Variants in ZNF783 observed in about 807,000 individuals in gnomAD.
ZNF783 encodes the protein zinc finger protein 783.
A neutral mutation model predicts 31.3 loss-of-function variants in ZNF783; 25 were observed. That is an observed-to-expected ratio of 0.80 (90% CI 0.58 to 1.11). The LOEUF is 1.11. Ranked by LOEUF, ZNF783 falls within the 50% of genes most tolerant of loss-of-function variation. The pLI is 0.00. For missense variants in ZNF783, 797 were observed against 760.0 expected, an observed-to-expected ratio of 1.05 and a Z score of -0.57; for synonymous variants, 369 against 319.1, an observed-to-expected ratio of 1.16 and a Z score of -1.66.
rs1797238154 is a variant in ZNF783 at position 149,272,811 on chromosome 7, A to G, written c.674-5588A>G. Among the ~76,000 whole-genome samples the G allele has an allele frequency of 3.3e-5, 5 of 152,304 alleles. No homozygotes were observed. In the South Asian group the frequency reaches 8.3e-4, roughly 25 times the overall value. On this transcript the variant is annotated intron_variant, in intron 4 of 5. Coordinates refer to ENST00000434415, the MANE Select transcript of ZNF783 (RefSeq NM_001195220.2). Reference sequence around the variant, plus strand: ...TATTGTTGACTGTAGTCACCCTGTTATGCTATCACATGCTAGATCTTATTC... The same window carrying G: ...TATTGTTGACTGTAGTCACCCTGTTGTGCTATCACATGCTAGATCTTATTC...
chr7:149,264,953 G>A (rs1311604098), intron 1 of ZNF783, among the ~76,000 whole-genome samples: 2 of 132,952 alleles, frequency 1.5e-5, no homozygotes, highest in Non-Finnish European at 3.0e-5. Context: ...TAGGGGAGAA[G>A]GCTGGAAGTG....
rs559116212 is a variant in ZNF783 at position 149,276,990 on chromosome 7, A to G, written c.674-1409A>G. Among the ~76,000 whole-genome samples the G allele has an allele frequency of 3.0e-3, 458 of 152,190 alleles. 2 individuals are homozygous for G. Among genetic ancestry groups the G allele is most frequent in the African/African-American group, 0.011 (437 of 41,504 alleles). ...CAGCCTCCCAAGTAGCTGGGACTACAGGTGCCTGCCACCACGCCCAGCTAA... is the reference window on the plus strand; with the variant it reads ...CAGCCTCCCAAGTAGCTGGGACTACGGGTGCCTGCCACCACGCCCAGCTAA... On this transcript the variant is annotated intron_variant, in intron 4 of 5. Coordinates refer to ENST00000434415, the MANE Select transcript of ZNF783 (RefSeq NM_001195220.2).
In ZNF783 at chr7:149,282,965, T is replaced by TTGTTGTTGTTGTTGTTGTTGTTGTTG. The variant is rs1554480464; in HGVS notation, c.*623_*624insGTTGTTGTTGTTGTTGTTGTTGTTGT. Reference sequence around the variant, plus strand: ...AGCCTGTGGGTCTTTTGGTTTTTTTTTTGTTGTTGTTGTTGTTTTTTTAAG... The same window carrying TTGTTGTTGTTGTTGTTGTTGTTGTTG: ...AGCCTGTGGGTCTTTTGGTTTTTTTTTGTTGTTGTTGTTGTTGTTGTTGTTGTTGTTGTTGTTGTTGTTTTTTTAAG... On this transcript the variant is annotated 3_prime_UTR_variant, in exon 6 of 6. Coordinates refer to ENST00000434415, the MANE Select transcript of ZNF783 (RefSeq NM_001195220.2). 1 of 131,056 alleles carries TTGTTGTTGTTGTTGTTGTTGTTGTTG rather than the reference T, an allele frequency of 7.6e-6. No homozygotes were observed. The highest frequency in any genetic ancestry group is 2.8e-5 in the African/African-American group (1 of 35,184). The allele number at this position is 131,056 out of a possible 1,614,324, so 8.1% of individuals were successfully genotyped here.
At position 149,265,532 on chromosome 7, in the gene ZNF783, C is replaced by T. The variant is rs927116936; in HGVS notation, c.25-803C>T. 5.9e-5 allele frequency among the ~76,000 whole-genome samples: 9 copies of T among 152,308 alleles called. No individual in the cohort carries two copies. The South Asian group carries it at 1.9e-3, about 32-fold the overall frequency. On this transcript the variant is annotated intron_variant, in intron 1 of 5. Coordinates refer to ENST00000434415, the MANE Select transcript of ZNF783 (RefSeq NM_001195220.2). ...CACGTGGCATACAGCAAGATCATCT[C>T]CCTTGTGTCTCCTCTTACAAGGGCG...
chr7:149,266,321 C>A lies in ZNF783; in HGVS notation c.25-14C>A, dbSNP rs959969856. The A allele has an allele frequency of 6.5e-7, 1 of 1,537,928 alleles. No homozygotes were observed. On this transcript the variant is annotated splice_polypyrimidine_tract_variant and intron_variant, in intron 1 of 5. Coordinates refer to ENST00000434415, the MANE Select transcript of ZNF783 (RefSeq NM_001195220.2). ...AATTCTCATAACATCTCTCTTTTCT[C>A]TTCTTGTGAGCAGGACCCCGAGACA...
intron 5 of ZNF783, among the ~76,000 whole-genome samples, chr7:149,280,652 G>A (rs73479996): frequency 0.076 from 11,531 of 152,268 alleles, 542 homozygotes; most frequent in African/African-American, 0.11. Flanking sequence ...AGCTGTTCAC[G>A]TGGTCTTGGC....
At position 149,266,200 on chromosome 7, in the gene ZNF783, C is replaced by G. The variant is rs868035095; in HGVS notation, c.25-135C>G. On this transcript the variant is annotated intron_variant, in intron 1 of 5. Transcript: ENST00000434415. ...TGATACCCTAGCCTCTCCCTCTCCCCCCCAGTCTGCTGCTAACTCAGGAGC... is the reference window on the plus strand; with the variant it reads ...TGATACCCTAGCCTCTCCCTCTCCCGCCCAGTCTGCTGCTAACTCAGGAGC... 3.5e-5 allele frequency: 36 copies of G among 1,042,848 alleles called. 3 individuals are homozygous for G. The Middle Eastern group carries it at 1.9e-3, about 54-fold the overall frequency. 64.6% of individuals were successfully genotyped at this position (1,042,848 alleles called of 1,614,324 possible).
intron 5 of ZNF783, among the ~76,000 whole-genome samples, chr7:149,279,582 C>T (rs1239002244): frequency 2.0e-5 from 3 of 150,712 alleles, no homozygotes; most frequent in Non-Finnish European, 2.9e-5. Context: ...GAGAGGCCCT[C>T]GCCGAGTCTT....
intron 1 of ZNF783, among the ~76,000 whole-genome samples, chr7:149,263,994 C>T (rs1262429007): frequency 6.6e-6 from 1 of 152,148 alleles, no homozygotes; most frequent in Non-Finnish European, 1.5e-5. Context: ...GCCTGGGGCT[C>T]ACTGCTTCAC....
intron 1 of ZNF783, among the ~76,000 whole-genome samples, chr7:149,266,073 G>T (rs1348447521): frequency 6.6e-6 from 1 of 152,238 alleles, no homozygotes; most frequent in Non-Finnish European, 1.5e-5. Flanking sequence ...TCCATAGCTA[G>T]CCTGTAGGAC....
chr7:149,282,012 A>T lies in ZNF783; in HGVS notation c.1310A>T (p.His437Leu). The T allele has an allele frequency of 6.3e-7, 1 of 1,584,428 alleles. No homozygotes were observed. Among genetic ancestry groups the T allele is most frequent in the Non-Finnish European group, 8.5e-7 (1 of 1,173,622 alleles). The change falls in exon 6 of 6, where the codon CAC (histidine) becomes CTC (leucine). Residue 437 changes from histidine (H) to leucine (L), a missense_variant. By Grantham distance (99) the His-to-Leu change is moderately conservative (BLOSUM62 -3). Coordinates refer to ENST00000434415, the MANE Select transcript of ZNF783 (RefSeq NM_001195220.2). ...CGGCCTGCAGCCAGCAAGATGTACC[A>T]CTGCAGCGAGTGCCTGCGCTTCTTC... is the stretch of plus-strand genomic sequence containing the variant. ...GRRPAASKMY[H>L]CSECLRFFQQ... is the part of the protein sequence containing the mutation.
chr7:149,279,925 CCT>C (rs1797422842), intron 5 of ZNF783, among the ~76,000 whole-genome samples: 1 of 152,130 alleles, frequency 6.6e-6, no homozygotes, highest in Non-Finnish European at 1.5e-5. Flanking sequence ...ACCTTTCCCC[CCT>C]TTCTATTCCA....
chr7:149,270,360 G>A (rs1797182976), intron 4 of ZNF783, among the ~76,000 whole-genome samples: 1 of 152,126 alleles, frequency 6.6e-6, no homozygotes, highest in African/African-American at 2.4e-5. Flanking sequence ...AAACTCTTGG[G>A]CTCAAGCAGT....
Position 149,278,536 on chromosome 7 carries a change from G to C in ZNF783, c.802+9G>C. The C allele has an allele frequency of 6.3e-7, 1 of 1,599,214 alleles. No individual in the cohort carries two copies. Among genetic ancestry groups the C allele is most frequent in the Non-Finnish European group, 8.5e-7 (1 of 1,179,698 alleles). On this transcript the variant is annotated intron_variant, in intron 5 of 5. Coordinates refer to ENST00000434415, the MANE Select transcript of ZNF783 (RefSeq NM_001195220.2). The stretch of plus-strand genomic sequence containing the variant: ...AGCCGGGCCAGAAGCAGGTGAGTGA[G>C]GACAGTGAGGCGGCAGGATGAACAG...
At chr7:149,263,070 A>C (rs1188481464) in intron 1 of ZNF783, among the ~76,000 whole-genome samples, 1 of 151,356 alleles carries the variant, frequency 6.6e-6, no homozygotes, top group Non-Finnish European at 1.5e-5. Flanking sequence ...CTGGGACTAC[A>C]GGCGCCTGCT....
chr7:149,272,413 T>A (rs1261830396), intron 4 of ZNF783, among the ~76,000 whole-genome samples: 1 of 152,192 alleles, frequency 6.6e-6, no homozygotes, highest in African/African-American at 2.4e-5. Flanking sequence ...TTCCCCTCCA[T>A]AGGGCTCGTA....
chr7:149,273,358 A>G (rs1056806161), intron 4 of ZNF783, among the ~76,000 whole-genome samples: 1 of 152,102 alleles, frequency 6.6e-6, no homozygotes, highest in African/African-American at 2.4e-5. Context: ...ACTAATTTAC[A>G]TTCCCACCAA....
At chr7:149,278,817 A>G (rs960769866) in intron 5 of ZNF783, among the ~76,000 whole-genome samples, 1 of 151,960 alleles carries the variant, frequency 6.6e-6, no homozygotes, top group African/African-American at 2.4e-5. Flanking sequence ...GGGAGGGGGT[A>G]GATGGGTGTG....
Position 149,278,417 on chromosome 7 carries a change from A to T in ZNF783, c.692A>T (p.Glu231Val), listed in dbSNP as rs1563198498. The change falls in exon 5 of 6, where the codon GAG becomes GTG. Residue 231 changes from glutamate (E) to valine (V), a missense_variant. Transcript: ENST00000434415. ...MMGTGLPPYP[E>V]HLTSPLSPAQ... is the part of the protein sequence containing the mutation. ...TCTCCAGGCCTCCCTCCGTATCCAG[A>T]GCACCTCACCAGCCCACTTAGCCCT... The T allele has an allele frequency of 1.3e-6, 2 of 1,599,234 alleles. No individual in the cohort carries two copies. Among genetic ancestry groups the T allele is most frequent in the Non-Finnish European group, 1.7e-6 (2 of 1,179,756 alleles).
Sources: allele counts gnomAD v4.1 joint callset (sites outside exome capture counted in the v4.1 genomes callset), GRCh38; gene constraint gnomAD v4.1.1; transcripts MANE v1.5; gene names NCBI Gene and HGNC (gene_info 2026-07-23, HGNC 2026-07-21).